Variants in ERBB4 observed in about 807,000 individuals in gnomAD.
The protein encoded by ERBB4 is receptor tyrosine-protein kinase erbB-4.
ERBB4 carries 42 observed loss-of-function variants against 158.0 expected under a neutral mutation model. The ratio of observed to expected loss-of-function variants is 0.27; its 90% CI spans 0.21 to 0.34. The LOEUF (loss-of-function observed/expected upper bound fraction) is 0.34, where lower values mean the gene tolerates loss of function less well. ERBB4 is among the 10% of genes least tolerant of loss of function. The pLI, the probability that ERBB4 is intolerant of heterozygous loss-of-function variation, is 1.00. For missense variants in ERBB4, 1,333 were observed against 1,624.1 expected, an observed-to-expected ratio of 0.82 and a Z score of 3.08; for synonymous variants, 583 against 558.7, an observed-to-expected ratio of 1.04 and a Z score of -0.61.
chr2:211,504,358 T>A (rs1177421244), intron 20 of ERBB4, among the ~76,000 whole-genome samples: 1 of 151,440 alleles, frequency 6.6e-6, no homozygotes, highest in East Asian at 1.9e-4. Context: ...AAATAATTCA[T>A]ACAGAACCTT....
chr2:212,117,898 T>C (rs1302131320), intron 2 of ERBB4, among the ~76,000 whole-genome samples: 21 of 152,204 alleles, frequency 1.4e-4, no homozygotes, highest in Admixed American at 1.1e-3. Context: ...TAGATGGGTG[T>C]TGGTAGCTAG....
chr2:212,303,997 T>C (rs964508929), intron 1 of ERBB4, among the ~76,000 whole-genome samples: 3 of 151,632 alleles, frequency 2.0e-5, no homozygotes, highest in Admixed American at 6.6e-5. Context: ...GTAGAAAATA[T>C]ACTATCTTCC....
chr2:212,268,158 A>G (rs781384411), intron 1 of ERBB4, among the ~76,000 whole-genome samples: 5 of 151,894 alleles, frequency 3.3e-5, no homozygotes, highest in Non-Finnish European at 5.9e-5. Context: ...GGAGCAGAAA[A>G]GTTTGCCTGG....
At chr2:211,489,669 A>T (rs1299032080) in intron 20 of ERBB4, among the ~76,000 whole-genome samples, 1 of 151,978 alleles carries the variant, frequency 6.6e-6, no homozygotes, top group Non-Finnish European at 1.5e-5. Flanking sequence ...TTAAAGGTAA[A>T]AGTGAATATG....
At chr2:211,781,489 C>A (rs1012360965) in intron 4 of ERBB4, among the ~76,000 whole-genome samples, 12 of 152,136 alleles carry the variant, frequency 7.9e-5, no homozygotes, top group African/African-American at 2.9e-4. Context: ...GTTGTAGGGA[C>A]TGGAGCAGCT....
chr2:211,496,306 A>G (rs1353679844), intron 20 of ERBB4, among the ~76,000 whole-genome samples: 2 of 151,940 alleles, frequency 1.3e-5, no homozygotes, highest in Non-Finnish European at 2.9e-5. Flanking sequence ...CACTCCCATA[A>G]ATAGACCCCT....
In ERBB4 at chr2:211,378,946, C is replaced by T. The variant is rs994904354; in HGVS notation, c.*4669G>A. 14 of 231,664 alleles carry T rather than the reference C, an allele frequency of 6.0e-5. No individual in the cohort carries two copies. The highest frequency in any genetic ancestry group is 2.9e-4 in the African/African-American group (13 of 45,166). 14.4% of individuals were successfully genotyped at this position (231,664 alleles called of 1,614,324 possible). On this transcript the variant is annotated 3_prime_UTR_variant, in exon 28 of 28. Transcript: ENST00000342788. Reference sequence around the variant, plus strand: ...GTAGGATCAGCTCTAGGATCCTCTGCCCACAGTATACAGTAGAAGTTAATT... The same window carrying T: ...GTAGGATCAGCTCTAGGATCCTCTGTCCACAGTATACAGTAGAAGTTAATT...
chr2:212,297,442 GT>G (rs2086454565), intron 1 of ERBB4, among the ~76,000 whole-genome samples: 1 of 151,856 alleles, frequency 6.6e-6, no homozygotes, highest in Admixed American at 6.6e-5. Flanking sequence ...ATGTGATCCA[GT>G]TTTGCCTGTT....
chr2:211,896,056 G>A (rs559004506), intron 3 of ERBB4, among the ~76,000 whole-genome samples: 77 of 152,066 alleles, frequency 5.1e-4, no homozygotes, highest in African/African-American at 1.4e-3. Flanking sequence ...TGGATCCTTC[G>A]TCTTCTCTAC....
At chr2:211,466,349 TAAAAA>T (rs58336651) in intron 20 of ERBB4, among the ~76,000 whole-genome samples, 2 of 127,962 alleles carry the variant, frequency 1.6e-5, no homozygotes, top group African/African-American at 6.5e-5. Context: ...TTTTTTTTTT[TAAAAA>T]AAAAAAAAGG....
chr2:212,195,279 G>T (rs2082392132), intron 1 of ERBB4, among the ~76,000 whole-genome samples: 1 of 151,846 alleles, frequency 6.6e-6, no homozygotes, highest in African/African-American at 2.4e-5. Flanking sequence ...AGCAACAGTT[G>T]TTAGCTACAA....
At chr2:211,980,604 A>G (rs1319094495) in intron 2 of ERBB4, among the ~76,000 whole-genome samples, 2 of 152,242 alleles carry the variant, frequency 1.3e-5, no homozygotes, top group African/African-American at 4.8e-5. Context: ...TGATATGTGT[A>G]CCTGTTGTTA....
intron 5 of ERBB4, among the ~76,000 whole-genome samples, chr2:211,736,882 T>C (rs1461974488): frequency 2.0e-5 from 3 of 152,156 alleles, no homozygotes; most frequent in Non-Finnish European, 4.4e-5. Context: ...TAATATAATC[T>C]ATAGATATTA....
chr2:212,200,550 A>G (rs2082560472), intron 1 of ERBB4, among the ~76,000 whole-genome samples: 1 of 152,142 alleles, frequency 6.6e-6, no homozygotes, highest in Non-Finnish European at 1.5e-5. Context: ...GGATTAAACC[A>G]GGTAATAATT....
At chr2:212,211,867 A>C (rs10173097) in intron 1 of ERBB4, among the ~76,000 whole-genome samples, 84,427 of 151,884 alleles carry the variant, frequency 0.56, 23,691 homozygotes, top group East Asian at 0.77. Context: ...ATAGCTTCAT[A>C]CATGTCCTCG....
chr2:211,932,301 G>A (rs573033556), intron 3 of ERBB4, among the ~76,000 whole-genome samples: 4 of 151,802 alleles, frequency 2.6e-5, no homozygotes, highest in African/African-American at 7.3e-5. Flanking sequence ...GACTTTATGC[G>A]TAAGTCTTAG....
intron 2 of ERBB4, among the ~76,000 whole-genome samples, chr2:211,992,932 T>A (rs2082114519): frequency 6.6e-6 from 1 of 152,122 alleles, no homozygotes; most frequent in African/African-American, 2.4e-5. Flanking sequence ...TAAAACCCAG[T>A]GGGTGGGAGT....
At position 211,676,913 on chromosome 2, in the gene ERBB4, A is replaced by G. The variant is rs545715164; in HGVS notation, c.1622+2139T>C. Among the ~76,000 whole-genome samples, 3 of 152,338 alleles carry G rather than the reference A, an allele frequency of 2.0e-5. No individual in the cohort carries two copies. The South Asian group carries it at 6.2e-4, about 32-fold the overall frequency. On this transcript the variant is annotated intron_variant, in intron 13 of 27. Coordinates refer to ENST00000342788, the MANE Select transcript of ERBB4 (RefSeq NM_005235.3). ...TATGTTCATAATATTGGGAACAAGC[A>G]TAAATATGATTCAATGAGACAAGCA...
chr2:212,294,750 A>G (rs1249797123), intron 1 of ERBB4, among the ~76,000 whole-genome samples: 1 of 152,124 alleles, frequency 6.6e-6, no homozygotes, highest in Non-Finnish European at 1.5e-5. Flanking sequence ...TGATAATTAA[A>G]AAGTATACTA....
Sources: gnomAD v4.1 joint callset for allele counts (sites outside exome capture counted in the v4.1 genomes callset) on GRCh38, gnomAD v4.1.1 for gene constraint, MANE v1.5 for transcripts, NCBI Gene and HGNC (gene_info 2026-07-23, HGNC 2026-07-21) for gene names.